NTNG2: variants seen among roughly 807,000 people sequenced by gnomAD.
NTNG2 encodes the protein netrin G2.
In NTNG2, 15 loss-of-function variants were observed where a neutral mutation model predicts 47.6. The ratio of observed to expected loss-of-function variants is 0.32; its 90% CI spans 0.21 to 0.49. The LOEUF (loss-of-function observed/expected upper bound fraction) is 0.49, where lower values mean the gene tolerates loss of function less well. Ranked by LOEUF, NTNG2 falls within the 20% of genes least tolerant of loss-of-function variation. The pLI, the probability that NTNG2 is intolerant of heterozygous loss-of-function variation, is 0.99. For missense variants in NTNG2, 578 were observed against 764.6 expected, an observed-to-expected ratio of 0.76 and a Z score of 2.88; for synonymous variants, 307 against 324.6, an observed-to-expected ratio of 0.95 and a Z score of 0.58.
chr9:132,207,132 G>A (rs947221061), intron 3 of NTNG2, among the ~76,000 whole-genome samples: 1 of 152,258 alleles, frequency 6.6e-6, no homozygotes, highest in African/African-American at 2.4e-5. Context: ...TGCCTAAGAA[G>A]GCATTTCCTC....
At chr9:132,233,277 GCACACATGCACACA>G (rs1407293628) in intron 5 of NTNG2, 2 of 152,278 alleles carry the variant, frequency 1.3e-5, no homozygotes, top group Admixed American at 1.3e-4. Flanking sequence ...ATGTGCAAGT[GCACACATGCACACA>G]CACACATGCA....
At chr9:132,201,407 T>A (rs1457110812) in intron 3 of NTNG2, among the ~76,000 whole-genome samples, 1 of 152,218 alleles carries the variant, frequency 6.6e-6, no homozygotes, top group African/African-American at 2.4e-5. Flanking sequence ...CAGCTTGGCT[T>A]GTCGTTGAAC....
chr9:132,213,415 G>A (rs563406457), intron 3 of NTNG2, among the ~76,000 whole-genome samples: 10 of 150,290 alleles, frequency 6.7e-5, no homozygotes, highest in South Asian at 4.2e-4. Flanking sequence ...GCCGTCCATC[G>A]TCCATCCATT....
In NTNG2 at chr9:132,226,178, C is replaced by T. The variant is rs762098503; in HGVS notation, c.858-671C>T. On this transcript the variant is annotated intron_variant, in intron 3 of 7. Transcript: ENST00000393229. This position sits in a 1 kb window ranked among gnomAD's most constrained non-coding sequence, Gnocchi z 4.8. ...TCCCCTCATCAACTTTCGGTTACCC[C>T]GAGGTACAGTTTATATAGGACAGGC... 3.3e-5 allele frequency among the ~76,000 whole-genome samples: 5 copies of T among 152,164 alleles called. No individual in the cohort carries two copies. The highest frequency in any genetic ancestry group is 3.3e-4 in the Admixed American group (5 of 15,276).
rs1554790515 is a variant in NTNG2, at chr9:132,216,414, C to CTCTCTCTCTGTGTGTGTG, written c.858-10434_858-10433insCTCTCTCTGTGTGTGTGT. 1.8e-4 allele frequency among the ~76,000 whole-genome samples: 20 copies of CTCTCTCTCTGTGTGTGTG among 110,330 alleles called. 1 individual carries two copies. Among genetic ancestry groups the CTCTCTCTCTGTGTGTGTG allele is most frequent in the African/African-American group, 9.2e-4 (19 of 20,546 alleles). The allele number at this position is 110,330 out of a possible 152,430, so 72.4% of individuals were successfully genotyped here. ...TCTCTCTCTCTCTCTCTCTCTCTCT[C>CTCTCTCTCTGTGTGTGTG]TGTGTGTGTGTGTATGTGTGTGTGT... On this transcript the variant is annotated intron_variant, in intron 3 of 7. Coordinates refer to ENST00000393229, the MANE Select transcript of NTNG2 (RefSeq NM_032536.4).
At chr9:132,230,894 G>A (rs910229770) in intron 5 of NTNG2, among the ~76,000 whole-genome samples, 22 of 152,064 alleles carry the variant, frequency 1.4e-4, no homozygotes, top group African/African-American at 3.9e-4. Flanking sequence ...TTTGGAAAAC[G>A]GGACAGGACT....
At chr9:132,202,667 C>T (rs979165206) in intron 3 of NTNG2, among the ~76,000 whole-genome samples, 4 of 152,154 alleles carry the variant, frequency 2.6e-5, no homozygotes, top group South Asian at 2.1e-4. Flanking sequence ...GTGCTTGGAG[C>T]GGGAGGGGCC....
intron 4 of NTNG2, 51 bp from the exon 5 acceptor site, chr9:132,230,521 C>G: frequency 6.4e-7 from 1 of 1,566,292 alleles, no homozygotes; most frequent in Non-Finnish European, 8.7e-7. Context: ...GAGGTGACAC[C>G]CAGGCCCCTT....
At chr9:132,214,641 G>T (rs766825272) in intron 3 of NTNG2, among the ~76,000 whole-genome samples, 1 of 152,174 alleles carries the variant, frequency 6.6e-6, no homozygotes, top group African/African-American at 2.4e-5. Flanking sequence ...AAGTGAGTGC[G>T]CCCCATGTCA....
intron 3 of NTNG2, among the ~76,000 whole-genome samples, chr9:132,201,474 C>T (rs1838745022): frequency 6.6e-6 from 1 of 152,246 alleles, no homozygotes; most frequent in Admixed American, 6.5e-5. Flanking sequence ...TTTCCCTCTT[C>T]AGTTCCGCTG....
chr9:132,230,479 G>A, intron 4 of NTNG2, 93 bp from the exon 5 acceptor site: 2 of 1,199,350 alleles, frequency 1.7e-6, no homozygotes, highest in Non-Finnish European at 2.4e-6. Flanking sequence ...ACACCTCCAG[G>A]TGCTCCCCTG....
chr9:132,171,434 G>T (rs528816579), intron 2 of NTNG2, among the ~76,000 whole-genome samples: 1 of 152,294 alleles, frequency 6.6e-6, no homozygotes, highest in East Asian at 1.9e-4. Flanking sequence ...ATCCAATCTT[G>T]ATAAGCTTGA....
rs1424638604 is a variant in NTNG2 at position 132,197,187 on chromosome 9, G to A, written c.214-779G>A. On this transcript the variant is annotated intron_variant, in intron 2 of 7. Coordinates refer to ENST00000393229, the MANE Select transcript of NTNG2 (RefSeq NM_032536.4). The surrounding 1 kb of genome is among the most constrained non-coding windows in gnomAD (Gnocchi z 4.3). Reference sequence around the variant, plus strand: ...GGTGGATCAACGGAGGTCAGAGTTCGAGACCAGCCTGGCCAACATGGCGAA... The same window carrying A: ...GGTGGATCAACGGAGGTCAGAGTTCAAGACCAGCCTGGCCAACATGGCGAA... Among the ~76,000 whole-genome samples the A allele has an allele frequency of 6.6e-6, 1 of 152,134 alleles. No individual in the cohort carries two copies. The highest frequency in any genetic ancestry group is 1.5e-5 in the Non-Finnish European group (1 of 68,042).
intron 3 of NTNG2, among the ~76,000 whole-genome samples, chr9:132,220,191 G>T (rs1840260987): frequency 6.6e-6 from 1 of 152,132 alleles, no homozygotes; most frequent in South Asian, 2.1e-4. Flanking sequence ...TGGATTATTT[G>T]TCATTTTATT....
At position 132,218,322 on chromosome 9, in the gene NTNG2, C is replaced by T. The variant is rs1045068778; in HGVS notation, c.858-8527C>T. Among the ~76,000 whole-genome samples the T allele has an allele frequency of 8.5e-5, 13 of 152,262 alleles. No homozygotes were observed. In the Middle Eastern group the frequency reaches 0.01, roughly 120 times the overall value. On this transcript the variant is annotated intron_variant, in intron 3 of 7. Transcript: ENST00000393229. The surrounding 1 kb of genome is among the most constrained non-coding windows in gnomAD (Gnocchi z 5.4). ...AGTCTCAGTTTCCCCATCTGCACAA[C>T]GAAGATAATAATGACATGTCATTCA...
chr9:132,188,643 G>A (rs1358679472), intron 2 of NTNG2, among the ~76,000 whole-genome samples: 2 of 152,168 alleles, frequency 1.3e-5, no homozygotes, highest in East Asian at 1.9e-4. Flanking sequence ...CCCTAACGGC[G>A]GGGCCTGCTG....
rs535593644 is a variant in NTNG2, at chr9:132,162,179, C to G, written c.-544C>G. On this transcript the variant is annotated 5_prime_UTR_variant, in exon 1 of 8. Coordinates refer to ENST00000393229, the MANE Select transcript of NTNG2 (RefSeq NM_032536.4). This position sits in a 1 kb window ranked among gnomAD's most constrained non-coding sequence, Gnocchi z 4.6. ...CAGCCCGAGGGGGGAGGCGCAGCGC[C>G]GGAGGGTGGCGGTCCTCGGCCCTCC... 1 of 152,514 alleles carries G rather than the reference C, an allele frequency of 6.6e-6. No individual in the cohort carries two copies. The highest frequency in any genetic ancestry group is 1.5e-5 in the Non-Finnish European group (1 of 67,828). The allele number at this position is 152,514 out of a possible 1,614,324, so 9.4% of individuals were successfully genotyped here. A position where few individuals can be genotyped will look rare whatever the true frequency, so the allele number is the denominator to read the frequency against.
rs935366956 is a variant in NTNG2, at chr9:132,229,793, G to T, written c.1031-779G>T. Among the ~76,000 whole-genome samples the T allele has an allele frequency of 4.6e-5, 7 of 152,352 alleles. No homozygotes were observed. In the South Asian group the frequency reaches 1.4e-3, roughly 32 times the overall value. Reference sequence around the variant, plus strand: ...CACACATCCCACTGCCAATCCCACAGCGTCCTTTCTCGGGAACACCGTGGG... The same window carrying T: ...CACACATCCCACTGCCAATCCCACATCGTCCTTTCTCGGGAACACCGTGGG... On this transcript the variant is annotated intron_variant, in intron 4 of 7. Transcript: ENST00000393229.
At chr9:132,203,429 G>A (rs1053280415) in intron 3 of NTNG2, among the ~76,000 whole-genome samples, 2 of 152,128 alleles carry the variant, frequency 1.3e-5, no homozygotes, top group East Asian at 1.9e-4. Flanking sequence ...CAGCGGAAGC[G>A]ATAGGGAAGG....
Sources: allele counts gnomAD v4.1 joint callset (sites outside exome capture counted in the v4.1 genomes callset), GRCh38; gene constraint gnomAD v4.1.1; non-coding constraint Gnocchi (gnomAD v3.1); transcripts MANE v1.5; gene names NCBI Gene and HGNC (gene_info 2026-07-23, HGNC 2026-07-21).